The following ARHGAP26 variants were observed in gnomAD, a reference collection of about 807,000 sequenced individuals.
ARHGAP26 encodes the protein rho GTPase-activating protein 26.
In ARHGAP26, 38 loss-of-function variants were observed where a neutral mutation model predicts 104.8. The observed-to-expected ratio is 0.36, with a 90% CI of 0.28 to 0.48. ARHGAP26 has a LOEUF of 0.48. Ranked by LOEUF, ARHGAP26 falls within the 20% of genes least tolerant of loss-of-function variation. The pLI, the probability that ARHGAP26 is intolerant of heterozygous loss-of-function variation, is 0.99. For synonymous variants in ARHGAP26, 341 were observed against 340.0 expected (o/e 1.00, Z -0.03); for missense variants, 704 against 947.9 (o/e 0.74, Z 3.38).
intron 20 of ARHGAP26, among the ~76,000 whole-genome samples, chr5:143,179,336 C>T (rs926975555): frequency 5.3e-5 from 8 of 152,132 alleles, no homozygotes; most frequent in East Asian, 1.9e-4. Context: ...GTTGGGTGTA[C>T]GAGCAAGAGA....
At chr5:142,974,243 C>G (rs965382053) in intron 11 of ARHGAP26, among the ~76,000 whole-genome samples, 5 of 151,174 alleles carry the variant, frequency 3.3e-5, no homozygotes, top group Admixed American at 6.6e-5. Context: ...TTCAATGTCT[C>G]CAACCCAAAT....
At position 143,149,309 on chromosome 5, in the gene ARHGAP26, C is replaced by T. The variant is rs553148650; in HGVS notation, c.1988+1928C>T. 1.4e-4 allele frequency among the ~76,000 whole-genome samples: 21 copies of T among 152,194 alleles called. No homozygotes were observed. The South Asian group carries it at 1.7e-3, about 12-fold the overall frequency. On this transcript the variant is annotated intron_variant, in intron 20 of 22. Coordinates refer to ENST00000645722, the MANE Select transcript of ARHGAP26 (RefSeq NM_001135608.3). ...CACTGTCCTTCCAAGCTGAGTGAGT[C>T]GCTGATTGATACCTTTGGGTCTTGA...
At chr5:142,952,068 C>T (rs1386346410) in intron 11 of ARHGAP26, among the ~76,000 whole-genome samples, 1 of 152,170 alleles carries the variant, frequency 6.6e-6, no homozygotes, top group Non-Finnish European at 1.5e-5. Flanking sequence ...ACTTCTCTTT[C>T]GCTGCTCTTC....
chr5:142,883,497 T>C (rs1337046820), intron 4 of ARHGAP26, among the ~76,000 whole-genome samples: 1 of 152,250 alleles, frequency 6.6e-6, no homozygotes, highest in African/African-American at 2.4e-5. Context: ...AAAACTCAGA[T>C]TCATGGAAAT....
chr5:142,797,365 C>T (rs75158915), intron 1 of ARHGAP26, among the ~76,000 whole-genome samples: 2,479 of 152,216 alleles, frequency 0.016, 67 homozygotes, highest in African/African-American at 0.055. Flanking sequence ...ATGAATGTTG[C>T]AAGTAGTTTT....
intron 14 of ARHGAP26, 45 bp downstream of exon 14, chr5:143,041,935 G>A: frequency 2.6e-6 from 4 of 1,527,256 alleles, no homozygotes; most frequent in African/African-American, 1.4e-5. Context: ...TGGATGGGGG[G>A]CCCACTCTGA....
chr5:142,893,179 T>C (rs193195890), intron 5 of ARHGAP26, among the ~76,000 whole-genome samples: 91 of 152,236 alleles, frequency 6.0e-4, no homozygotes, highest in African/African-American at 2.1e-3. Context: ...GGTTTCACCA[T>C]GTTGGCCAGG....
chr5:142,831,442 GT>G (rs1768412804), intron 1 of ARHGAP26, among the ~76,000 whole-genome samples: 1 of 151,962 alleles, frequency 6.6e-6, no homozygotes, highest in Non-Finnish European at 1.5e-5. Flanking sequence ...GTTCATTTAG[GT>G]TTTATCAGCC....
chr5:143,071,317 A>G (rs560041979), intron 17 of ARHGAP26, among the ~76,000 whole-genome samples: 1 of 152,356 alleles, frequency 6.6e-6, no homozygotes, highest in African/African-American at 2.4e-5. Flanking sequence ...CCATAAATGA[A>G]TCTACACATC....
At chr5:143,175,565 G>A (rs1194979161) in intron 20 of ARHGAP26, among the ~76,000 whole-genome samples, 1 of 151,696 alleles carries the variant, frequency 6.6e-6, no homozygotes, top group Non-Finnish European at 1.5e-5. Flanking sequence ...AAGAATGTTG[G>A]ATACCAAAAT....
At chr5:142,980,590 T>A (rs773686837) in intron 11 of ARHGAP26, among the ~76,000 whole-genome samples, 11 of 152,032 alleles carry the variant, frequency 7.2e-5, no homozygotes, top group Admixed American at 3.9e-4. Context: ...GGTTTCACCA[T>A]GTTGGCCAGG....
intron 20 of ARHGAP26, among the ~76,000 whole-genome samples, chr5:143,184,983 A>G (rs13159941): frequency 0.047 from 7,132 of 152,288 alleles, 513 homozygotes; most frequent in African/African-American, 0.16. Context: ...TGAGAGGTCT[A>G]TGCAACAGTG....
chr5:143,028,045 A>T (rs1424102961), intron 12 of ARHGAP26, among the ~76,000 whole-genome samples: 1 of 152,214 alleles, frequency 6.6e-6, no homozygotes, highest in Admixed American at 6.5e-5. Context: ...AGAGTAGAAG[A>T]GGATGAGCCC....
chr5:142,906,531 C>T (rs994550077), intron 8 of ARHGAP26, among the ~76,000 whole-genome samples: 16 of 152,156 alleles, frequency 1.1e-4, no homozygotes, highest in African/African-American at 2.9e-4. Context: ...TCCATCCATC[C>T]GTCCGTCCGT....
chr5:143,156,210 A>G (rs577746982), intron 20 of ARHGAP26, among the ~76,000 whole-genome samples: 2 of 152,366 alleles, frequency 1.3e-5, no homozygotes, highest in South Asian at 4.1e-4. Context: ...AAAGTACATT[A>G]GAGTTCAAGT....
At chr5:142,981,742 A>G (rs957147776) in intron 11 of ARHGAP26, among the ~76,000 whole-genome samples, 1 of 152,168 alleles carries the variant, frequency 6.6e-6, no homozygotes, top group Admixed American at 6.5e-5. Flanking sequence ...TCACTTCTCC[A>G]GAACGCTCAG....
At chr5:143,076,203 G>C (rs942047631) in intron 17 of ARHGAP26, among the ~76,000 whole-genome samples, 3 of 84,794 alleles carry the variant, frequency 3.5e-5, no homozygotes, top group African/African-American at 1.4e-4. Context: ...TCATTATGTT[G>C]CCCAGGCTGG....
intron 11 of ARHGAP26, among the ~76,000 whole-genome samples, chr5:142,932,565 A>G (rs1050038226): frequency 3.9e-5 from 6 of 152,236 alleles, no homozygotes; most frequent in African/African-American, 1.2e-4. Context: ...TGTAAAATCC[A>G]TAAGAGCCCT....
chr5:143,179,122 G>C (rs1268883757), intron 20 of ARHGAP26, among the ~76,000 whole-genome samples: 1 of 152,154 alleles, frequency 6.6e-6, no homozygotes, highest in Non-Finnish European at 1.5e-5. Flanking sequence ...ACCTGCCTCA[G>C]CCTCCCAAAG....
Sources: allele counts gnomAD v4.1 joint callset (sites outside exome capture counted in the v4.1 genomes callset), GRCh38; gene constraint gnomAD v4.1.1; transcripts MANE v1.5; gene names NCBI Gene and HGNC (gene_info 2026-07-23, HGNC 2026-07-21).